RAD52: variants seen among roughly 807,000 people sequenced by gnomAD.
RAD52 encodes the protein DNA repair protein RAD52 homolog.
A neutral mutation model predicts 55.5 loss-of-function variants in RAD52; 47 were observed. That is an observed-to-expected ratio of 0.85 (90% confidence interval 0.67 to 1.08). RAD52 has a LOEUF of 1.08. RAD52 is among the 50% of genes least tolerant of loss of function. The probability of loss-of-function intolerance (pLI) is 0.00; values close to 1 mark genes in which losing one functional copy is unlikely to be tolerated. For synonymous variants in RAD52, 184 were observed against 198.9 expected (o/e 0.92, Z 0.63); for missense variants, 468 against 522.8 (o/e 0.90, Z 1.02).
Position 932,822 on chromosome 12 carries a change from TA to T in RAD52, c.84+152del, listed in dbSNP as rs1565673074. On this transcript the variant is annotated intron_variant, in intron 2 of 11. Transcript: ENST00000358495. ...ACGTACTAGGTACTGCTCACACACG[TA>T]CTAGGTAAACGTACTAGGTACTGCT... Among the ~76,000 whole-genome samples the T allele has an allele frequency of 3.0e-3, 98 of 32,826 alleles. 2 individuals are homozygous for T. Among genetic ancestry groups the T allele is most frequent in the Admixed American group, 7.5e-3 (22 of 2,946 alleles). The allele number at this position is 32,826 out of a possible 152,430, so 21.5% of individuals were successfully genotyped here. A position where few individuals can be genotyped will look rare whatever the true frequency, so the allele number is the denominator to read the frequency against.
intron 1 of RAD52, among the ~76,000 whole-genome samples, chr12:965,797 A>C (rs1161574926): frequency 6.6e-6 from 1 of 151,498 alleles, no homozygotes; most frequent in African/African-American, 2.4e-5. Context: ...GTGATTTTTC[A>C]TGCCTCAGCC....
chr12:930,633 T>A (rs1292482669), intron 3 of RAD52, among the ~76,000 whole-genome samples: 1 of 144,828 alleles, frequency 6.9e-6, no homozygotes. Flanking sequence ...AGTGTTTAAT[T>A]AAAAAAAAAA....
intron 1 of RAD52, among the ~76,000 whole-genome samples, chr12:972,941 G>T (rs950476111): frequency 4.6e-5 from 7 of 152,126 alleles, no homozygotes; most frequent in African/African-American, 1.7e-4. Context: ...GCCATCCTAA[G>T]AATTTGGATT....
At chr12:944,805 C>T (rs1378419698) in intron 1 of RAD52, among the ~76,000 whole-genome samples, 1 of 141,376 alleles carries the variant, frequency 7.1e-6, no homozygotes. Flanking sequence ...CACACTGTTG[C>T]CCAAGCTGCA....
intron 1 of RAD52, among the ~76,000 whole-genome samples, chr12:965,397 G>C (rs1958747020): frequency 6.6e-6 from 1 of 152,150 alleles, no homozygotes; most frequent in Admixed American, 6.5e-5. Flanking sequence ...GAGTTATGCT[G>C]TACTCAGAAC....
chr12:953,623 A>G (rs1958565615), upstream of RAD52, among the ~76,000 whole-genome samples: 2 of 152,190 alleles, frequency 1.3e-5, 1 homozygote, highest in South Asian at 4.1e-4. Flanking sequence ...AAGTTCTTTA[A>G]TCTGGGACTT....
intron 7 of RAD52, among the ~76,000 whole-genome samples, chr12:922,654 TTA>T (rs1956801499): frequency 6.6e-6 from 1 of 152,020 alleles, no homozygotes; most frequent in Non-Finnish European, 1.5e-5. Flanking sequence ...GTGATTCCAT[TTA>T]TATGAGGTAT....
chr12:981,841 G>A (rs1018303376), intron 1 of RAD52, among the ~76,000 whole-genome samples: 2 of 142,520 alleles, frequency 1.4e-5, no homozygotes, highest in East Asian at 4.4e-4. Context: ...GAACTTTAAG[G>A]CTGAAGAATA....
intron 1 of RAD52, among the ~76,000 whole-genome samples, chr12:935,753 T>A (rs1957580258): frequency 6.6e-6 from 1 of 151,528 alleles, no homozygotes; most frequent in South Asian, 2.1e-4. Context: ...CTCAGGAGGC[T>A]GAGGCAAGAG....
chr12:931,169 T>G (rs1343922015), intron 3 of RAD52, 51 bp downstream of exon 3: 1 of 1,454,140 alleles, frequency 6.9e-7, no homozygotes, highest in African/African-American at 1.4e-5. Context: ...GGCAAGACCA[T>G]CGGAGTCTGC....
At chr12:941,663 G>C (rs969686889) in intron 1 of RAD52, among the ~76,000 whole-genome samples, 3 of 141,718 alleles carry the variant, frequency 2.1e-5, no homozygotes, top group African/African-American at 5.2e-5. Flanking sequence ...ACAGAGTTTT[G>C]CTCTTGTTGC....
intron 1 of RAD52, among the ~76,000 whole-genome samples, chr12:983,713 C>T (rs890893310): frequency 3.9e-5 from 6 of 152,194 alleles, no homozygotes; most frequent in Non-Finnish European, 4.4e-5. Context: ...AGCCACCGCA[C>T]GCGGCCGGCT....
intron 1 of RAD52, among the ~76,000 whole-genome samples, chr12:939,316 T>C (rs1284939194): frequency 6.6e-6 from 1 of 152,006 alleles, no homozygotes; most frequent in African/African-American, 2.4e-5. Flanking sequence ...ACACACGGCA[T>C]ATTTTTTATT....
At position 913,901 on chromosome 12, in the gene RAD52, G is replaced by T. The variant is rs751281464; in HGVS notation, c.1188C>A (p.Arg396=). Residue 396 remains arginine (R), a synonymous_variant, in exon 11 of 12, where the codon CGC becomes CGA. Transcript: ENST00000358495. ...WDLQTYSADQ[R]TTGNWESHRK... ...TAAACACCTCTCTGCTACCTGTTGT[G>T]CGTTGGTCAGCGCTATAAGTTTGGA... 16 of 1,613,640 alleles carry T rather than the reference G, an allele frequency of 9.9e-6. No homozygotes were observed. The African/African-American group carries it at 1.3e-4, about 13-fold the overall frequency.
chr12:931,397 G>A, intron 2 of RAD52, 76 bp from the exon 3 acceptor site: 2 of 1,101,932 alleles, frequency 1.8e-6, no homozygotes, highest in East Asian at 2.6e-5. Context: ...CCTTTATGGA[G>A]ACTTTATACT....
Position 927,163 on chromosome 12 carries a change from C to T in RAD52, c.449G>A (p.Gly150Glu). Residue 150 changes from glycine to glutamate, a missense_variant, in exon 6 of 12, where the codon GGG (glycine) becomes GAG (glutamate). Gly to Glu is a moderately conservative substitution (Grantham distance 98). Transcript: ENST00000358495. ...EKARKEAVTD[G>E]LKRALRSFGN... Reference sequence around the variant, plus strand: ...CGCTCACCTGAGGGCTCGCTTCAGCCCGTCTGTCACCGCCTCCTTCCTTGC... The same window carrying T: ...CGCTCACCTGAGGGCTCGCTTCAGCTCGTCTGTCACCGCCTCCTTCCTTGC... 1 of 1,614,068 alleles carries T rather than the reference C, an allele frequency of 6.2e-7. No homozygotes were observed. The highest frequency in any genetic ancestry group is 1.7e-4 in the Middle Eastern group (1 of 6,052).
At chr12:926,352 T>A (rs1957035727) in intron 6 of RAD52, among the ~76,000 whole-genome samples, 1 of 150,442 alleles carries the variant, frequency 6.6e-6, no homozygotes, top group East Asian at 2.0e-4. Context: ...AATTTTTTTT[T>A]AATTAACTGG....
intron 7 of RAD52, among the ~76,000 whole-genome samples, chr12:923,543 G>A (rs1956850380): frequency 6.8e-6 from 1 of 146,080 alleles, no homozygotes; most frequent in Non-Finnish European, 1.5e-5. Flanking sequence ...CTGGCTGACA[G>A]AGCAAGACCT....
At chr12:927,120 G>T in intron 6 of RAD52, 25 bp downstream of exon 6, 1 of 1,598,926 alleles carries the variant, frequency 6.3e-7, no homozygotes, top group Non-Finnish European at 8.6e-7. Flanking sequence ...AATGACGCAG[G>T]TTAGACTCCC....
Sources: allele counts gnomAD v4.1 joint callset (sites outside exome capture counted in the v4.1 genomes callset), GRCh38; gene constraint gnomAD v4.1.1; transcripts MANE v1.5; gene names NCBI Gene and HGNC (gene_info 2026-07-23, HGNC 2026-07-21).